The following ADARB2 variants were observed in gnomAD, a reference collection of about 807,000 sequenced individuals.
ADARB2 encodes the protein adenosine deaminase RNA specific B2 (inactive), also known as inactive double-stranded RNA-specific editase B2.
In ADARB2, 25 loss-of-function variants were observed where a neutral mutation model predicts 62.2. The ratio of observed to expected loss-of-function variants is 0.40; its 90% CI spans 0.29 to 0.56. ADARB2 has a LOEUF of 0.56. Among genes scored for constraint, ADARB2 ranks in the 20% least tolerant of loss-of-function variants. The pLI is 0.43. For synonymous variants in ADARB2, 572 were observed against 500.8 expected (o/e 1.14, Z -1.90); for missense variants, 1,071 against 1,077.4 (o/e 0.99, Z 0.08).
chr10:1,651,292 A>G (rs752984557), intron 1 of ADARB2, among the ~76,000 whole-genome samples: 30 of 152,226 alleles, frequency 2.0e-4, no homozygotes, highest in Non-Finnish European at 3.5e-4. Flanking sequence ...TAGTTTCTCC[A>G]TCGAGCCCTG....
intron 1 of ADARB2, among the ~76,000 whole-genome samples, chr10:1,735,255 T>C (rs1835287107): frequency 6.6e-6 from 1 of 152,210 alleles, no homozygotes; most frequent in East Asian, 1.9e-4. Context: ...ATATTTGCTA[T>C]AGGAGTTTTA....
At chr10:1,329,922 G>A (rs1831912364) in intron 3 of ADARB2, among the ~76,000 whole-genome samples, 1 of 130,856 alleles carries the variant, frequency 7.6e-6, no homozygotes, top group African/African-American at 2.9e-5. Flanking sequence ...CCAGGTAGAA[G>A]AAGTGCCTTT....
Position 1,253,955 on chromosome 10 carries a change from C to T in ADARB2, c.1193-11656G>A, listed in dbSNP as rs147302341. On this transcript the variant is annotated intron_variant, in intron 4 of 9. Transcript: ENST00000381312. ...ATGCGATGGGCTCTGGGTTAGGATACGGTGGGTTCTGTGTTTAGGATGAGG... is the reference window on the plus strand; with the variant it reads ...ATGCGATGGGCTCTGGGTTAGGATATGGTGGGTTCTGTGTTTAGGATGAGG... 3.1e-3 allele frequency among the ~76,000 whole-genome samples: 466 copies of T among 148,968 alleles called. 2 individuals are homozygous for T. Among genetic ancestry groups the T allele is most frequent in the African/African-American group, 0.01 (410 of 40,274 alleles).
At chr10:1,328,923 G>C (rs1320316493) in intron 3 of ADARB2, among the ~76,000 whole-genome samples, 1 of 146,136 alleles carries the variant, frequency 6.8e-6, no homozygotes, top group African/African-American at 2.6e-5. Flanking sequence ...ACACAGGTGG[G>C]AAAGTCAAGG....
chr10:1,355,812 T>C (rs1832189400), intron 3 of ADARB2, among the ~76,000 whole-genome samples: 2 of 152,224 alleles, frequency 1.3e-5, no homozygotes, highest in Admixed American at 6.5e-5. Flanking sequence ...TAAACATACA[T>C]TGTGATTGCA....
intron 3 of ADARB2, among the ~76,000 whole-genome samples, chr10:1,278,294 T>C (rs1412614234): frequency 1.3e-5 from 2 of 149,662 alleles, no homozygotes; most frequent in Non-Finnish European, 3.0e-5. Flanking sequence ...TTTTTCTTTT[T>C]TTTTTTTTAA....
intron 1 of ADARB2, among the ~76,000 whole-genome samples, chr10:1,696,021 CGTGT>C (rs552005446): frequency 4.5e-4 from 68 of 152,006 alleles, no homozygotes; most frequent in Middle Eastern, 3.4e-3. Context: ...TGTATGCCTG[CGTGT>C]GTATGTGTGC....
chr10:1,582,580 A>G (rs1052148841), intron 1 of ADARB2, among the ~76,000 whole-genome samples: 12 of 152,288 alleles, frequency 7.9e-5, no homozygotes, highest in Non-Finnish European at 1.5e-4. Flanking sequence ...TTCCATTGCA[A>G]TTGCCACCAT....
rs542302314 is a variant in ADARB2, at chr10:1,588,513, G to A, written c.100+148538C>T. On this transcript the variant is annotated intron_variant, in intron 1 of 9. Transcript: ENST00000381312. ...AGGTAGGCCAGACGGTGCTGCTGTTGGGAGGATTTGCTGGTGAACAATCAA... is the reference window on the plus strand; with the variant it reads ...AGGTAGGCCAGACGGTGCTGCTGTTAGGAGGATTTGCTGGTGAACAATCAA... Among the ~76,000 whole-genome samples the A allele has an allele frequency of 5.3e-5, 8 of 152,290 alleles. No homozygotes were observed. The South Asian group carries it at 1.0e-3, about 20-fold the overall frequency.
intron 1 of ADARB2, among the ~76,000 whole-genome samples, chr10:1,617,473 T>C: frequency 8.5e-6 from 1 of 118,222 alleles, no homozygotes; most frequent in Non-Finnish European, 1.8e-5. Context: ...GCTAGATGTT[T>C]GTGTGCCCGT....
chr10:1,678,372 A>T (rs1233478492), intron 1 of ADARB2: 1 of 982,734 alleles, frequency 1.0e-6, no homozygotes, highest in Non-Finnish European at 1.2e-6. Context: ...CCTCGGGGTG[A>T]GCATCCTCGG....
chr10:1,214,556 C>T (rs1263231866), intron 7 of ADARB2, among the ~76,000 whole-genome samples: 7 of 151,330 alleles, frequency 4.6e-5, no homozygotes, highest in East Asian at 2.0e-4. Context: ...CTGGACCTGC[C>T]GGCGTCGCGT....
chr10:1,372,319 G>A (rs543827199), intron 2 of ADARB2, among the ~76,000 whole-genome samples: 28 of 94,590 alleles, frequency 3.0e-4, no homozygotes, highest in African/African-American at 8.0e-4. Flanking sequence ...GAAGGGGGAG[G>A]GAGGAATGGG....
At chr10:1,490,838 G>C (rs1361943935) in intron 1 of ADARB2, among the ~76,000 whole-genome samples, 1 of 152,106 alleles carries the variant, frequency 6.6e-6, no homozygotes, top group Non-Finnish European at 1.5e-5. Context: ...GCTGAACTTG[G>C]TTCTCTGTTT....
intron 1 of ADARB2, among the ~76,000 whole-genome samples, chr10:1,558,044 C>A (rs1305148611): frequency 1.3e-5 from 2 of 152,180 alleles, no homozygotes; most frequent in African/African-American, 4.8e-5. Context: ...AGTGGCATCA[C>A]CCCAGGCCCA....
chr10:1,319,828 T>TA (rs143061797), intron 3 of ADARB2, among the ~76,000 whole-genome samples: 6,005 of 152,332 alleles, frequency 0.039, 131 homozygotes, highest in South Asian at 0.081. Context: ...CCTGGCTAGT[T>TA]AGAGAGTCGC....
chr10:1,333,608 T>A (rs1831948265), intron 3 of ADARB2, among the ~76,000 whole-genome samples: 1 of 152,164 alleles, frequency 6.6e-6, no homozygotes, highest in Non-Finnish European at 1.5e-5. Flanking sequence ...AGGCAAAGTG[T>A]GTATGTGTAA....
chr10:1,297,580 C>A (rs1831534564), intron 3 of ADARB2, among the ~76,000 whole-genome samples: 1 of 152,182 alleles, frequency 6.6e-6, no homozygotes, highest in African/African-American at 2.4e-5. Flanking sequence ...GTGGCATCGC[C>A]TGGACAAGGA....
At chr10:1,734,117 C>A (rs1049816289) in intron 1 of ADARB2, among the ~76,000 whole-genome samples, 1 of 151,578 alleles carries the variant, frequency 6.6e-6, no homozygotes, top group Non-Finnish European at 1.5e-5. Flanking sequence ...AAAGAAAGTC[C>A]CTGCTGAAAA....
Sources: allele counts gnomAD v4.1 joint callset (sites outside exome capture counted in the v4.1 genomes callset), GRCh38; gene constraint gnomAD v4.1.1; transcripts MANE v1.5; gene names NCBI Gene and HGNC (gene_info 2026-07-23, HGNC 2026-07-21).